DNAAF9: variants seen among roughly 807,000 people sequenced by gnomAD.
DNAAF9 encodes shulin.
Under a neutral mutation model 167.0 loss-of-function variants are expected in DNAAF9, and 90 were observed. The ratio of observed to expected loss-of-function variants is 0.54; its 90% CI spans 0.45 to 0.64. The LOEUF is 0.64. DNAAF9 is among the 30% of genes least tolerant of loss of function. The pLI, the probability that DNAAF9 is intolerant of heterozygous loss-of-function variation, is 0.00. For synonymous variants in DNAAF9, 491 were observed against 508.8 expected, an observed-to-expected ratio of 0.96 and a Z score of 0.47; for missense variants, 1,315 against 1,442.2, an observed-to-expected ratio of 0.91 and a Z score of 1.43.
intron 21 of DNAAF9, among the ~76,000 whole-genome samples, chr20:3,299,723 T>C (rs1297618771): frequency 6.6e-6 from 1 of 152,248 alleles, no homozygotes; most frequent in African/African-American, 2.4e-5. Context: ...ATGGGTCTAG[T>C]CCACTGGTCC....
intron 20 of DNAAF9, among the ~76,000 whole-genome samples, chr20:3,314,370 A>G (rs1224124464): frequency 6.6e-6 from 1 of 152,198 alleles, no homozygotes; most frequent in Non-Finnish European, 1.5e-5. Flanking sequence ...AGAGAGACTC[A>G]AAGTGTGTGA....
chr20:3,289,995 A>G (rs960424055), intron 26 of DNAAF9, 134 bp downstream of exon 26: 1 of 685,720 alleles, frequency 1.5e-6, no homozygotes, highest in African/African-American at 1.8e-5. Flanking sequence ...TCAGAAGAGC[A>G]TATTAAATGA....
In DNAAF9 at chr20:3,362,979, A is replaced by G. The variant is rs559772761; in HGVS notation, c.613-3386T>C. On this transcript the variant is annotated intron_variant, in intron 6 of 36. Coordinates refer to ENST00000252032, the MANE Select transcript of DNAAF9 (RefSeq NM_001009984.3). Reference sequence around the variant, plus strand: ...CACAGTGGCTCACGCTTGTAATCCCAGCAATTTGGGAGGCCGAGGCGGGCA... The same window carrying G: ...CACAGTGGCTCACGCTTGTAATCCCGGCAATTTGGGAGGCCGAGGCGGGCA... Among the ~76,000 whole-genome samples, 7 of 152,300 alleles carry G rather than the reference A, an allele frequency of 4.6e-5. No homozygotes were observed. The South Asian group carries it at 1.5e-3, about 32-fold the overall frequency.
At chr20:3,259,706 T>G (rs1600657658) in intron 32 of DNAAF9, 152 bp from the exon 33 acceptor site, 2 of 715,494 alleles carry the variant, frequency 2.8e-6, no homozygotes, top group African/African-American at 1.7e-5. Flanking sequence ...TGCTCCCCTG[T>G]GGCTCTGCCA....
At chr20:3,301,018 CTTT>C (rs71195831) in intron 21 of DNAAF9, among the ~76,000 whole-genome samples, 1 of 144,166 alleles carries the variant, frequency 6.9e-6, no homozygotes. Context: ...TTTTGTTTTC[CTTT>C]TTTTTTTTTC....
chr20:3,297,944 T>C, intron 22 of DNAAF9, 85 bp downstream of exon 22: 1 of 1,065,284 alleles, frequency 9.4e-7, no homozygotes, highest in Admixed American at 1.7e-5. Context: ...ACTTCACTGT[T>C]AGCCCCAAAA....
chr20:3,287,539 G>T (rs2068873035), intron 27 of DNAAF9, 93 bp downstream of exon 27: 3 of 1,218,874 alleles, frequency 2.5e-6, no homozygotes, highest in Non-Finnish European at 3.6e-6. Context: ...TGTAGAGTCT[G>T]TTCTGTGCTC....
chr20:3,299,633 A>T (rs1158293130), intron 21 of DNAAF9, among the ~76,000 whole-genome samples: 6 of 152,188 alleles, frequency 3.9e-5, no homozygotes, highest in Admixed American at 3.9e-4. Flanking sequence ...TTAGTTAAAA[A>T]GACTGTCCTT....
Position 3,343,693 on chromosome 20 carries a change from G to A in DNAAF9, c.828C>T (p.Ser276=). Residue 276 remains serine, a synonymous_variant, in exon 9 of 37, where the codon AGC becomes AGT. Transcript: ENST00000252032. ...AAACTTACCTGTTTTCAGTTATATG[G>A]CTAGAGATCATTCCATGACTGAAAT... ...RSYFSHGMIS[S]HITENSPNRQ... is the part of the protein sequence containing the mutation. 1 of 1,611,416 alleles carries A rather than the reference G, an allele frequency of 6.2e-7. No individual in the cohort carries two copies.
At chr20:3,342,481 CTT>C (rs1016599435) in intron 9 of DNAAF9, among the ~76,000 whole-genome samples, 2 of 152,146 alleles carry the variant, frequency 1.3e-5, no homozygotes, top group African/African-American at 4.8e-5. Context: ...ATGAATCTCT[CTT>C]GATTGGTATG....
In DNAAF9 at chr20:3,353,845, G is replaced by A. The variant is rs191119175; in HGVS notation, c.691-5222C>T. On this transcript the variant is annotated intron_variant, in intron 7 of 36. Coordinates refer to ENST00000252032, the MANE Select transcript of DNAAF9 (RefSeq NM_001009984.3). Reference sequence around the variant, plus strand: ...GGTGAAAAACGCAGTGTGCTTTAGGGGTTACAGAGAAGAAGATAGGCACTT... The same window carrying A: ...GGTGAAAAACGCAGTGTGCTTTAGGAGTTACAGAGAAGAAGATAGGCACTT... Among the ~76,000 whole-genome samples, 186 of 152,092 alleles carry A rather than the reference G, an allele frequency of 1.2e-3. 1 individual carries two copies. The highest frequency in any genetic ancestry group is 3.4e-3 in the Middle Eastern group (1 of 294).
At chr20:3,342,112 G>A (rs2070098931) in intron 9 of DNAAF9, among the ~76,000 whole-genome samples, 1 of 152,150 alleles carries the variant, frequency 6.6e-6, no homozygotes, top group Non-Finnish European at 1.5e-5. Context: ...TCTTGAACAT[G>A]GCTAAAGAGA....
In DNAAF9 at chr20:3,295,736, G is replaced by A. The variant is rs6107272; in HGVS notation, c.2019-1107C>T. On this transcript the variant is annotated intron_variant, in intron 23 of 36. Transcript: ENST00000252032. ...TTTATTATCTGGCATAACGCGTGAT[G>A]TAGTTGTCCACTTTATTCTGGAAGT... The A allele has an allele frequency of 4.3e-3, 2,741 of 637,916 alleles. 57 individuals carry two copies. In the African/African-American group the frequency reaches 0.045, roughly 10 times the overall value. 39.5% of individuals were successfully genotyped at this position (637,916 alleles called of 1,614,324 possible). A position where few individuals can be genotyped will look rare whatever the true frequency, so the allele number is the denominator to read the frequency against.
Position 3,249,616 on chromosome 20 carries a change from T to C in DNAAF9, c.*2956A>G, listed in dbSNP as rs2068169822. 6.6e-6 allele frequency: 1 copy of C among 152,240 alleles called. No individual in the cohort carries two copies. Among genetic ancestry groups the C allele is most frequent in the Non-Finnish European group, 1.5e-5 (1 of 68,030 alleles). 9.4% of individuals were successfully genotyped at this position (152,240 alleles called of 1,614,324 possible). A position where few individuals can be genotyped will look rare whatever the true frequency, so the allele number is the denominator to read the frequency against. On this transcript the variant is annotated 3_prime_UTR_variant, in exon 37 of 37. Transcript: ENST00000252032. The stretch of plus-strand genomic sequence containing the variant: ...GCACGTAAGTGAGCTCTTATGTCAT[T>C]AGTATTTGACATCCTGGGACAATGA...
intron 30 of DNAAF9, among the ~76,000 whole-genome samples, chr20:3,266,298 C>A (rs1273691018): frequency 6.6e-6 from 1 of 152,148 alleles, no homozygotes; most frequent in Admixed American, 6.5e-5. Context: ...GGTATTTTTC[C>A]CTCTTTGTAA....
chr20:3,328,120 A>T (rs965632995), intron 12 of DNAAF9, among the ~76,000 whole-genome samples: 1 of 151,782 alleles, frequency 6.6e-6, no homozygotes, highest in Admixed American at 6.6e-5. Flanking sequence ...ATCCTTACAT[A>T]GGAGATCAAT....
intron 12 of DNAAF9, among the ~76,000 whole-genome samples, chr20:3,329,415 C>A (rs2069778903): frequency 6.6e-6 from 1 of 152,146 alleles, no homozygotes; most frequent in Admixed American, 6.5e-5. Context: ...TGCCTCGGCC[C>A]CCCAGAGTCC....
chr20:3,302,382 T>C lies in DNAAF9; in HGVS notation c.1782+2058A>G, dbSNP rs542028847. Among the ~76,000 whole-genome samples the C allele has an allele frequency of 5.9e-5, 9 of 152,334 alleles. No individual in the cohort carries two copies. In the South Asian group the frequency reaches 1.9e-3, roughly 32 times the overall value. On this transcript the variant is annotated intron_variant, in intron 21 of 36. Transcript: ENST00000252032. ...AATCCATCAACTCAAACATTTATCA[T>C]TCAGAATCTTCTCTTCTAGCTATTG... is the stretch of plus-strand genomic sequence containing the variant.
At position 3,315,609 on chromosome 20, in the gene DNAAF9, G is replaced by A; in HGVS notation, c.1590+126C>T. 1 of 760,166 alleles carries A rather than the reference G, an allele frequency of 1.3e-6. No homozygotes were observed. The highest frequency in any genetic ancestry group is 2.3e-6 in the Non-Finnish European group (1 of 429,956). The allele number at this position is 760,166 out of a possible 1,614,324, so 47.1% of individuals were successfully genotyped here. On this transcript the variant is annotated intron_variant, in intron 19 of 36. Coordinates refer to ENST00000252032, the MANE Select transcript of DNAAF9 (RefSeq NM_001009984.3). This position sits in a 1 kb window ranked among gnomAD's most constrained non-coding sequence, Gnocchi z 4.1. ...CTGGGAAGGGGAGGAATGCAAATAG[G>A]AAGTGAAGACAACATAGTGCAAGTC...
Sources: allele counts gnomAD v4.1 joint callset (sites outside exome capture counted in the v4.1 genomes callset), GRCh38; gene constraint gnomAD v4.1.1; non-coding constraint Gnocchi (gnomAD v3.1); transcripts MANE v1.5; gene names NCBI Gene and HGNC (gene_info 2026-07-23, HGNC 2026-07-21).